The following MAP7D2 variants were observed in gnomAD, a reference collection of about 807,000 sequenced individuals.
MAP7D2 encodes MAP7 domain-containing protein 2.
Under a neutral mutation model 63.5 loss-of-function variants are expected in MAP7D2, and 33 were observed. That is an observed-to-expected ratio of 0.52 (90% confidence interval 0.39 to 0.70). MAP7D2 has a LOEUF of 0.70. Among genes scored for constraint, MAP7D2 ranks in the 30% least tolerant of loss-of-function variants. MAP7D2 has a pLI of 0.00. For missense variants in MAP7D2, 626 were observed against 604.0 expected (o/e 1.04, Z -0.38); for synonymous variants, 224 against 223.7 (o/e 1.00, Z -0.01).
At chrX:20,041,639 T>C (rs1226538779) in intron 8 of MAP7D2, among the ~76,000 whole-genome samples, 2 of 112,379 alleles carry the variant, frequency 1.8e-5, no homozygotes, top group Non-Finnish European at 1.9e-5. Flanking sequence ...GTTTATATGA[T>C]TCTCTCCATA....
Position 20,008,210 on chromosome X carries a change from G to A in MAP7D2, c.*215C>T, listed in dbSNP as rs1281664551. 2.7e-5 allele frequency: 3 copies of A among 112,133 alleles called. No individual in the cohort carries two copies. The highest frequency in any genetic ancestry group is 5.6e-5 in the Non-Finnish European group (3 of 53,231). 9.2% of individuals were successfully genotyped at this position (112,133 alleles called of 1,213,427 possible). ...AAACAGAACTGTAAAAGGAAACTTT[G>A]CTAAAGCCCAGCAAGGTGAAAGTTT... On this transcript the variant is annotated 3_prime_UTR_variant, in exon 17 of 17. Transcript: ENST00000379643.
Position 20,066,578 on chromosome X carries a change from T to C in MAP7D2, c.131-1773A>G, listed in dbSNP as rs141962923. Among the ~76,000 whole-genome samples, 192 of 111,867 alleles carry C rather than the reference T, an allele frequency of 1.7e-3. 2 individuals are homozygous for C. Among genetic ancestry groups the C allele is most frequent in the African/African-American group, 5.7e-3 (175 of 30,787 alleles). The stretch of plus-strand genomic sequence containing the variant: ...TATGACACTATCAACAATATGAACG[T>C]CATCAAAAATTTAAAGGCCAACTCC... On this transcript the variant is annotated intron_variant, in intron 1 of 16. Coordinates refer to ENST00000379643, the MANE Select transcript of MAP7D2 (RefSeq NM_001168465.2).
At chrX:20,056,834 C>G (rs1000066829) in intron 3 of MAP7D2, 43 bp from the exon 4 acceptor site, 1 of 1,102,435 alleles carries the variant, frequency 9.1e-7, no homozygotes, top group East Asian at 3.0e-5. Context: ...GATTAACTAC[C>G]CAGCCCCACC....
At chrX:20,009,793 C>G (rs925702360) in intron 16 of MAP7D2, among the ~76,000 whole-genome samples, 1 of 109,365 alleles carries the variant, frequency 9.1e-6, no homozygotes, top group Non-Finnish European at 1.9e-5. Flanking sequence ...GCCAGGGGTT[C>G]AAGACCAGCC....
chrX:20,094,518 A>ATATG (rs2066174491), intron 1 of MAP7D2, among the ~76,000 whole-genome samples: 3 of 5,805 alleles, frequency 5.2e-4, no homozygotes, highest in Non-Finnish European at 7.4e-4. Flanking sequence ...ATATATATGT[A>ATATG]TATATATATA....
rs938408310 is a variant in MAP7D2 at position 20,066,962 on chromosome X, T to G, written c.131-2157A>C. Among the ~76,000 whole-genome samples, 6 of 112,426 alleles carry G rather than the reference T, an allele frequency of 5.3e-5. No homozygotes were observed. In the East Asian group the frequency reaches 1.4e-3, roughly 26 times the overall value. Reference sequence around the variant, plus strand: ...TGCTCAGAGGCAGGTGTGAAGTTAGTGGAAGGGGAACAAGCATAGAAAATC... The same window carrying G: ...TGCTCAGAGGCAGGTGTGAAGTTAGGGGAAGGGGAACAAGCATAGAAAATC... On this transcript the variant is annotated intron_variant, in intron 1 of 16. Coordinates refer to ENST00000379643, the MANE Select transcript of MAP7D2 (RefSeq NM_001168465.2).
chrX:20,103,693 T>C (rs1460104248), intron 1 of MAP7D2, among the ~76,000 whole-genome samples: 1 of 112,039 alleles, frequency 8.9e-6, no homozygotes, highest in Non-Finnish European at 1.9e-5. Context: ...TTTTTTTAAA[T>C]TTAGAAACAA....
intron 3 of MAP7D2, among the ~76,000 whole-genome samples, chrX:20,060,535 G>A (rs1291086105): frequency 9.0e-6 from 1 of 111,469 alleles, no homozygotes; most frequent in Non-Finnish European, 1.9e-5. Flanking sequence ...GGAACATGAA[G>A]TTGGCTTTTC....
At chrX:20,073,349 A>T (rs911197341) in intron 1 of MAP7D2, among the ~76,000 whole-genome samples, 2 of 111,415 alleles carry the variant, frequency 1.8e-5, no homozygotes, top group African/African-American at 6.5e-5. Context: ...AATGTTAGCA[A>T]GTTGGAAGAA....
At chrX:20,079,406 T>C (rs1472323831) in intron 1 of MAP7D2, among the ~76,000 whole-genome samples, 1 of 112,436 alleles carries the variant, frequency 8.9e-6, no homozygotes, top group Non-Finnish European at 1.9e-5. Context: ...AGGGTAACTG[T>C]TAACCTGACT....
intron 8 of MAP7D2, among the ~76,000 whole-genome samples, chrX:20,030,413 T>G (rs981629973): frequency 6.0e-4 from 67 of 112,055 alleles, no homozygotes; most frequent in African/African-American, 2.0e-3. Flanking sequence ...AAGGTGTGTT[T>G]AGGATGGTAA....
intron 1 of MAP7D2, among the ~76,000 whole-genome samples, chrX:20,088,014 T>C (rs1351376432): frequency 3.8e-5 from 4 of 105,703 alleles, no homozygotes; most frequent in Non-Finnish European, 1.9e-5. Context: ...CTCAGCCTCC[T>C]GAATAGTTGG....
chrX:20,058,714 C>T (rs944853511), intron 3 of MAP7D2, among the ~76,000 whole-genome samples: 1 of 112,240 alleles, frequency 8.9e-6, no homozygotes, highest in East Asian at 2.8e-4. Context: ...GAGAAAGACA[C>T]ACTCACTTTG....
chrX:20,085,147 C>T (rs1369908091), intron 1 of MAP7D2, among the ~76,000 whole-genome samples: 2 of 111,866 alleles, frequency 1.8e-5, no homozygotes, highest in African/African-American at 6.5e-5. Flanking sequence ...TAAGTCCCCT[C>T]CTAAGGACAT....
chrX:20,066,874 C>T (rs1290611788), intron 1 of MAP7D2, among the ~76,000 whole-genome samples: 1 of 112,003 alleles, frequency 8.9e-6, no homozygotes, highest in Non-Finnish European at 1.9e-5. Context: ...GCTGATGCAA[C>T]TCTGGGTCTA....
Position 20,056,808 on chromosome X carries a change from A to C in MAP7D2, c.373-17T>G, listed in dbSNP as rs749841092. 2.5e-6 allele frequency: 3 copies of C among 1,191,608 alleles called. No homozygotes were observed. The South Asian group carries it at 5.3e-5, about 21-fold the overall frequency. On this transcript the variant is annotated splice_polypyrimidine_tract_variant and intron_variant, in intron 3 of 16. Coordinates refer to ENST00000379643, the MANE Select transcript of MAP7D2 (RefSeq NM_001168465.2). ...CAGCCGTTCCTACACAGTTCGTGTA[A>C]GGCAAGTGTTAACAAGATTAACTAC...
intron 8 of MAP7D2, among the ~76,000 whole-genome samples, chrX:20,030,162 A>G (rs1008716644): frequency 6.2e-5 from 7 of 112,378 alleles, no homozygotes; most frequent in Non-Finnish European, 1.3e-4. Context: ...CTTCTCATCT[A>G]TTTAACAAGG....
In MAP7D2 at chrX:20,050,087, A is replaced by G. The variant is rs564139360; in HGVS notation, c.718+737T>C. Among the ~76,000 whole-genome samples, 10 of 112,361 alleles carry G rather than the reference A, an allele frequency of 8.9e-5. No homozygotes were observed. The Middle Eastern group carries it at 0.014, about 155-fold the overall frequency. ...GTACACTATCTGGAGAACAGAGAGT[A>G]GACCTGACCTTAGGTGGACACAGTG... is the stretch of plus-strand genomic sequence containing the variant. On this transcript the variant is annotated intron_variant, in intron 6 of 16. Transcript: ENST00000379643.
chrX:20,097,375 G>A (rs758374398), intron 1 of MAP7D2, among the ~76,000 whole-genome samples: 120 of 111,422 alleles, frequency 1.1e-3, no homozygotes, highest in Non-Finnish European at 1.4e-3. Context: ...TGTGTGGGGT[G>A]AAGCACCTAA....
Sources: gnomAD v4.1 joint callset for allele counts (sites outside exome capture counted in the v4.1 genomes callset) on GRCh38, gnomAD v4.1.1 for gene constraint, MANE v1.5 for transcripts, NCBI Gene and HGNC (gene_info 2026-07-23, HGNC 2026-07-21) for gene names.